TG: variants seen among roughly 807,000 people sequenced by gnomAD.
The protein encoded by TG is thyroid hormones.
In TG, 270 loss-of-function variants were observed where a neutral mutation model predicts 324.7. The ratio of observed to expected loss-of-function variants is 0.83; its 90% CI spans 0.75 to 0.92. The LOEUF is 0.92. Ranked by LOEUF, TG falls within the 40% of genes least tolerant of loss-of-function variation. The pLI is 0.00. For synonymous variants in TG, 1,401 were observed against 1,327.0 expected, an observed-to-expected ratio of 1.06 and a Z score of -1.21; for missense variants, 3,591 against 3,456.4, an observed-to-expected ratio of 1.04 and a Z score of -0.98.
chr8:133,011,889 C>T lies in TG; in HGVS notation c.6263-12C>T, dbSNP rs1243743031. On this transcript the variant is annotated splice_polypyrimidine_tract_variant and intron_variant, in intron 35 of 47. Coordinates refer to ENST00000220616, the MANE Select transcript of TG (RefSeq NM_003235.5). ...ACAACTGCATGTGACTGTCCGTTGCCTTCTCTCCTAGTGTCTCTGGACTCG... is the reference window on the plus strand; with the variant it reads ...ACAACTGCATGTGACTGTCCGTTGCTTTCTCTCCTAGTGTCTCTGGACTCG... The T allele has an allele frequency of 1.2e-6, 2 of 1,614,038 alleles. No homozygotes were observed. Among genetic ancestry groups the T allele is most frequent in the Non-Finnish European group, 1.7e-6 (2 of 1,180,044 alleles).
Position 133,021,331 on chromosome 8 carries a change from A to C in TG, c.6877-660A>C, listed in dbSNP as rs57184490. ...GGGAAAGGGGACGCCAAGGACCCAG[A>C]ATGCTTTTTTGGAATAAACCATGGG... On this transcript the variant is annotated intron_variant, in intron 39 of 47. Transcript: ENST00000220616. Among the ~76,000 whole-genome samples, 673 of 152,288 alleles carry C rather than the reference A, an allele frequency of 4.4e-3. 16 individuals carry two copies. The highest frequency in any genetic ancestry group is 0.024 in the Admixed American group (366 of 15,302).
chr8:132,869,922 C>A, intron 3 of TG, 96 bp downstream of exon 3: 2 of 1,077,130 alleles, frequency 1.9e-6, no homozygotes, highest in Non-Finnish European at 1.4e-6. Context: ...CTGAGCAGGT[C>A]CTCCCTCTGG....
Position 132,881,916 on chromosome 8 carries a change from T to C in TG, c.692T>C (p.Val231Ala), listed in dbSNP as rs763391906. ...TCCTTCCAGAGGAGGTTCCCTGAGG[T>C]ATCTGGGTATTGCCACTGTGCTGAC... is the stretch of plus-strand genomic sequence containing the variant. Reference protein sequence around the residue: ...FSSFQRRFPEVSGYCHCADSQ... With the variant: ...FSSFQRRFPEASGYCHCADSQ... The change falls in exon 6 of 48, where the codon GTA (valine) becomes GCA (alanine). Residue 231 changes from valine (V) to alanine (A), a missense_variant. Transcript: ENST00000220616. 1.2e-6 allele frequency: 2 copies of C among 1,614,162 alleles called. No individual in the cohort carries two copies. The highest frequency in any genetic ancestry group is 1.7e-5 in the Admixed American group (1 of 60,028).
intron 23 of TG, among the ~76,000 whole-genome samples, 177 bp from the exon 24 acceptor site, chr8:132,933,384 G>A (rs377722788): frequency 0.091 from 209 of 2,296 alleles, no homozygotes; most frequent in East Asian, 0.13. Flanking sequence ...CTGTGTGTGT[G>A]TATATTTGTG....
intron 41 of TG, among the ~76,000 whole-genome samples, chr8:133,076,952 G>A (rs1434104476): frequency 6.6e-6 from 1 of 152,138 alleles, no homozygotes; most frequent in East Asian, 1.9e-4. Flanking sequence ...TCCCCTAGGA[G>A]GAGTCCTATG....
intron 27 of TG, among the ~76,000 whole-genome samples, chr8:132,957,611 G>A (rs1827082822): frequency 6.6e-6 from 1 of 152,054 alleles, no homozygotes; most frequent in Non-Finnish European, 1.5e-5. Context: ...ACTGCTGAGA[G>A]GTAAAGACCT....
chr8:133,021,593 A>G (rs1247267531), intron 39 of TG, among the ~76,000 whole-genome samples: 9 of 152,248 alleles, frequency 5.9e-5, no homozygotes. Context: ...TTCTAGAGAC[A>G]GAAGTCCAAG....
chr8:133,106,880 G>A (rs1588115283), intron 43 of TG, among the ~76,000 whole-genome samples: 1 of 152,174 alleles, frequency 6.6e-6, no homozygotes, highest in East Asian at 1.9e-4. Context: ...GCTGCTCCTG[G>A]CATACTCAGG....
intron 27 of TG, among the ~76,000 whole-genome samples, chr8:132,952,357 T>G (rs1826229055): frequency 6.6e-6 from 1 of 152,172 alleles, no homozygotes; most frequent in Non-Finnish European, 1.5e-5. Flanking sequence ...GTGACCTTAT[T>G]CAAGACATTT....
intron 20 of TG, among the ~76,000 whole-genome samples, chr8:132,917,120 A>G (rs1473597572): frequency 2.1e-5 from 3 of 145,958 alleles, no homozygotes; most frequent in Admixed American, 7.0e-5. Context: ...CCTGTCATCC[A>G]TCCGAACTTT....
At chr8:132,997,606 T>C (rs956912319) in intron 35 of TG, among the ~76,000 whole-genome samples, 1 of 152,122 alleles carries the variant, frequency 6.6e-6, no homozygotes, top group Non-Finnish European at 1.5e-5. Context: ...GATTCATCAT[T>C]TCAAGGAAAA....
At chr8:133,018,970 A>G (rs1480596170) in intron 38 of TG, among the ~76,000 whole-genome samples, 1 of 152,226 alleles carries the variant, frequency 6.6e-6, no homozygotes, top group Non-Finnish European at 1.5e-5. Flanking sequence ...AAAAATAACA[A>G]ATATGCGTGA....
chr8:132,875,869 G>C (rs1051558602), intron 5 of TG, among the ~76,000 whole-genome samples: 1 of 152,130 alleles, frequency 6.6e-6, no homozygotes, highest in Non-Finnish European at 1.5e-5. Flanking sequence ...AGTAGACCTG[G>C]GTAGTCGCAG....
rs751682171 is a variant in TG, at chr8:132,972,595, C to T, written c.6056-3C>T. 5.0e-6 allele frequency: 8 copies of T among 1,610,250 alleles called. No homozygotes were observed. The highest frequency in any genetic ancestry group is 6.8e-6 in the Non-Finnish European group (8 of 1,178,752). Reference sequence around the variant, plus strand: ...TTTTTTGTTTTTTTTTTTTCCACCCCAGGAGGAGAGGTGACATGTCTCACT... The same window carrying T: ...TTTTTTGTTTTTTTTTTTTCCACCCTAGGAGGAGAGGTGACATGTCTCACT... On this transcript the variant is annotated splice_polypyrimidine_tract_variant and splice_region_variant and intron_variant, in intron 33 of 47. Coordinates refer to ENST00000220616, the MANE Select transcript of TG (RefSeq NM_003235.5).
chr8:133,072,700 T>A (rs1844248360), intron 41 of TG, among the ~76,000 whole-genome samples: 1 of 152,240 alleles, frequency 6.6e-6, no homozygotes, highest in Admixed American at 6.5e-5. Flanking sequence ...AATTTCTGTC[T>A]TTAAAAAGGC....
rs1278421972 is a variant in TG at position 132,867,032 on chromosome 8, T to C, written c.32T>C (p.Leu11Pro). 1.2e-6 allele frequency: 2 copies of C among 1,602,128 alleles called. No individual in the cohort carries two copies. Among genetic ancestry groups the C allele is most frequent in the East Asian group, 4.5e-5 (2 of 44,584 alleles). Residue 11 changes from leucine (L) to proline (P), a missense_variant, in exon 1 of 48, where the codon CTG (leucine) becomes CCG (proline). Transcript: ENST00000220616. MALVLEIFTL[L>P]ASICWVSANI... The stretch of plus-strand genomic sequence containing the variant: ...CTGGTCCTGGAGATCTTCACCCTGC[T>C]GGCCTCCATCTGCTGGGTGTCGGCC...
chr8:133,072,360 A>G (rs1437237009), intron 41 of TG, among the ~76,000 whole-genome samples: 1 of 152,198 alleles, frequency 6.6e-6, no homozygotes, highest in East Asian at 1.9e-4. Context: ...CGGAACTTGT[A>G]GGGAGATTGA....
At chr8:132,993,273 G>A (rs748500116) in intron 35 of TG, among the ~76,000 whole-genome samples, 13 of 152,162 alleles carry the variant, frequency 8.5e-5, no homozygotes, top group Non-Finnish European at 1.6e-4. Context: ...AATGAAAAAC[G>A]AATGAATGGA....
At position 132,961,011 on chromosome 8, in the gene TG, T is replaced by G; in HGVS notation, c.5405T>G (p.Leu1802Arg). 6.2e-7 allele frequency: 1 copy of G among 1,614,056 alleles called. No homozygotes were observed. The highest frequency in any genetic ancestry group is 8.5e-7 in the Non-Finnish European group (1 of 1,179,912). ...RLGDQEFIKS[L>R]TPLEGTQDTF... ...AAATAAACATCTTCCTTTGCAGGTC[T>G]GACACCCTTAGAAGGAACTCAAGAC... The change falls in exon 28 of 48, where the codon CTG becomes CGG. Residue 1802 changes from leucine (L) to arginine (R), a missense_variant. Physicochemically the swap from Leu to Arg is moderately radical, Grantham distance 102. Transcript: ENST00000220616.
Sources: gnomAD v4.1 joint callset for allele counts (sites outside exome capture counted in the v4.1 genomes callset) on GRCh38, gnomAD v4.1.1 for gene constraint, MANE v1.5 for transcripts, NCBI Gene and HGNC (gene_info 2026-07-23, HGNC 2026-07-21) for gene names.